The following MCC variants were observed in gnomAD, a reference collection of about 807,000 sequenced individuals.
MCC encodes colorectal mutant cancer protein.
MCC carries 90 observed loss-of-function variants against 116.2 expected under a neutral mutation model. The ratio of observed to expected loss-of-function variants is 0.77; its 90% CI spans 0.65 to 0.92. The LOEUF (loss-of-function observed/expected upper bound fraction) is 0.92. MCC is among the 40% of genes least tolerant of loss of function. The pLI is 0.00. For synonymous variants in MCC, 578 were observed against 510.5 expected (o/e 1.13, Z -1.78); for missense variants, 1,516 against 1,312.2 (o/e 1.16, Z -2.40).
In MCC at chr5:113,225,824, C is replaced by T. The variant is rs750103443; in HGVS notation, c.628-74402G>A. Among the ~76,000 whole-genome samples, 6 of 152,264 alleles carry T rather than the reference C, an allele frequency of 3.9e-5. No homozygotes were observed. In the East Asian group the frequency reaches 5.8e-4, roughly 15 times the overall value. ...ATTACATCTGATGTCTTGACTTTAGCGATGAAAAAACCAAGGTTAAAGTGA... is the reference window on the plus strand; with the variant it reads ...ATTACATCTGATGTCTTGACTTTAGTGATGAAAAAACCAAGGTTAAAGTGA... On this transcript the variant is annotated intron_variant, in intron 3 of 18. Coordinates refer to ENST00000408903, the MANE Select transcript of MCC (RefSeq NM_001085377.2).
At position 113,068,060 on chromosome 5, in the gene MCC, G is replaced by C. The variant is rs746985133; in HGVS notation, c.2029+20C>G. ...AGGCAGGGAGACAAGAGGAGGAAGAGGGACTCTGGAGACACTTACCAGGGG... is the reference window on the plus strand; with the variant it reads ...AGGCAGGGAGACAAGAGGAGGAAGACGGACTCTGGAGACACTTACCAGGGG... On this transcript the variant is annotated intron_variant, in intron 13 of 18. Coordinates refer to ENST00000408903, the MANE Select transcript of MCC (RefSeq NM_001085377.2). The C allele has an allele frequency of 2.5e-6, 4 of 1,599,760 alleles. No homozygotes were observed. Among genetic ancestry groups the C allele is most frequent in the African/African-American group, 1.3e-5 (1 of 74,804 alleles).
chr5:113,050,488 G>C (rs1236446377), intron 15 of MCC, among the ~76,000 whole-genome samples: 2 of 152,198 alleles, frequency 1.3e-5, no homozygotes, highest in African/African-American at 4.8e-5. Flanking sequence ...CAAATGTGGG[G>C]AAATGGGTAG....
intron 1 of MCC, among the ~76,000 whole-genome samples, chr5:113,448,971 T>C (rs1249004511): frequency 6.6e-6 from 1 of 152,142 alleles, no homozygotes; most frequent in Non-Finnish European, 1.5e-5. Context: ...ATATATTGCA[T>C]GAATCAGGTA....
chr5:113,139,029 T>C (rs2150283246), intron 5 of MCC, among the ~76,000 whole-genome samples: 1 of 152,274 alleles, frequency 6.6e-6, no homozygotes, highest in Admixed American at 6.5e-5. Context: ...AGTAAAACTT[T>C]AGTAGGCTGC....
intron 3 of MCC, among the ~76,000 whole-genome samples, chr5:113,153,388 G>A (rs1759995024): frequency 1.3e-5 from 2 of 152,172 alleles, no homozygotes; most frequent in South Asian, 2.1e-4. Flanking sequence ...GGGCCAGATG[G>A]AGACACACAC....
chr5:113,258,889 A>G (rs1377333882), intron 3 of MCC, among the ~76,000 whole-genome samples: 1 of 152,240 alleles, frequency 6.6e-6, no homozygotes, highest in African/African-American at 2.4e-5. Flanking sequence ...ATGCTAATTA[A>G]ATCTTTTAAA....
chr5:113,171,120 G>C (rs568996602), intron 3 of MCC, among the ~76,000 whole-genome samples: 2 of 152,142 alleles, frequency 1.3e-5, no homozygotes, highest in South Asian at 2.1e-4. Flanking sequence ...CCACAAGAAA[G>C]CTCCTGAGTC....
chr5:113,446,815 G>A (rs1771233131), intron 1 of MCC, among the ~76,000 whole-genome samples: 1 of 152,058 alleles, frequency 6.6e-6, no homozygotes. Flanking sequence ...GGAGGGAGAG[G>A]GCAAGGGTTG....
chr5:113,091,307 C>G (rs1019502341), intron 8 of MCC, among the ~76,000 whole-genome samples: 2 of 152,186 alleles, frequency 1.3e-5, no homozygotes, highest in African/African-American at 4.8e-5. Context: ...TTGTAAATCG[C>G]CCAGTATCAA....
At chr5:113,152,537 A>G (rs1759943759) in intron 3 of MCC, among the ~76,000 whole-genome samples, 3 of 152,188 alleles carry the variant, frequency 2.0e-5, no homozygotes, top group Non-Finnish European at 4.4e-5. Context: ...GAGCAAATAC[A>G]TTTGATCTTT....
intron 3 of MCC, among the ~76,000 whole-genome samples, chr5:113,180,170 T>C (rs770648766): frequency 1.3e-5 from 2 of 152,160 alleles, no homozygotes; most frequent in African/African-American, 4.8e-5. Flanking sequence ...CACGGGCCCA[T>C]CTCTACTACT....
intron 3 of MCC, among the ~76,000 whole-genome samples, chr5:113,155,038 T>C (rs1464941711): frequency 2.6e-5 from 4 of 152,164 alleles, no homozygotes; most frequent in Non-Finnish European, 5.9e-5. Context: ...TCCCCCACTA[T>C]CCTCACATTC....
chr5:113,382,461 C>T (rs1276584264), intron 2 of MCC, among the ~76,000 whole-genome samples: 1 of 151,686 alleles, frequency 6.6e-6, no homozygotes, highest in African/African-American at 2.4e-5. Context: ...TGTACGTTGC[C>T]CAGGCTAGTT....
chr5:113,184,602 A>C (rs938948939), intron 3 of MCC, among the ~76,000 whole-genome samples: 18 of 150,066 alleles, frequency 1.2e-4, no homozygotes, highest in Non-Finnish European at 2.5e-4. Flanking sequence ...TGCTAGGATT[A>C]TAGGTGTGCA....
At chr5:113,405,812 A>C (rs929237975) in intron 1 of MCC, among the ~76,000 whole-genome samples, 5 of 152,134 alleles carry the variant, frequency 3.3e-5, no homozygotes, top group African/African-American at 1.2e-4. Flanking sequence ...TCTCAAAAAA[A>C]AAAGAAAAAA....
chr5:113,098,242 G>T (rs1317988016), intron 8 of MCC, among the ~76,000 whole-genome samples: 1 of 152,170 alleles, frequency 6.6e-6, no homozygotes, highest in Non-Finnish European at 1.5e-5. Flanking sequence ...ACAATGTGGA[G>T]AAAGTGGTTC....
intron 3 of MCC, chr5:113,294,837 A>G: frequency 1.0e-6 from 1 of 986,090 alleles, no homozygotes; most frequent in Non-Finnish European, 1.2e-6. Context: ...GGGGCGAGGA[A>G]GATCCGCGCC....
chr5:113,463,856 G>A (rs1179944051), intron 1 of MCC, among the ~76,000 whole-genome samples: 6 of 152,158 alleles, frequency 3.9e-5, no homozygotes, highest in Non-Finnish European at 5.9e-5. Flanking sequence ...AGAGAAGTGA[G>A]CAAAAATTGA....
At chr5:113,056,383 T>C (rs767560455) in intron 14 of MCC, among the ~76,000 whole-genome samples, 4 of 152,202 alleles carry the variant, frequency 2.6e-5, no homozygotes, top group Non-Finnish European at 5.9e-5. Flanking sequence ...CCACGAATAC[T>C]ATGTAGCCAT....
Sources: gnomAD v4.1 joint callset for allele counts (sites outside exome capture counted in the v4.1 genomes callset) on GRCh38, gnomAD v4.1.1 for gene constraint, MANE v1.5 for transcripts, NCBI Gene and HGNC (gene_info 2026-07-23, HGNC 2026-07-21) for gene names.